MED12L: variants seen among roughly 807,000 people sequenced by gnomAD.
The protein encoded by MED12L is mediator complex subunit 12L.
In MED12L, 60 loss-of-function variants were observed where a neutral mutation model predicts 281.3. The observed-to-expected ratio is 0.21, with a 90% CI of 0.17 to 0.26. MED12L has a LOEUF of 0.26. Ranked by LOEUF, MED12L falls within the 10% of genes least tolerant of loss-of-function variation. The probability of loss-of-function intolerance (pLI) is 1.00; values close to 1 mark genes in which losing one functional copy is unlikely to be tolerated. For synonymous variants in MED12L, 974 were observed against 987.2 expected, an observed-to-expected ratio of 0.99 and a Z score of 0.25; for missense variants, 2,146 against 2,680.9, an observed-to-expected ratio of 0.80 and a Z score of 4.41.
At chr3:151,411,142 T>C in intron 40 of MED12L, 136 bp from the exon 41 acceptor site, 1 of 688,880 alleles carries the variant, frequency 1.5e-6, no homozygotes, top group Non-Finnish European at 2.5e-6. Context: ...CCTCAAATTT[T>C]GAGTTATGAG....
At chr3:151,115,537 G>A (rs1712632850) in intron 2 of MED12L, among the ~76,000 whole-genome samples, 1 of 150,868 alleles carries the variant, frequency 6.6e-6, no homozygotes, top group Admixed American at 6.6e-5. Flanking sequence ...AGTAGAGATG[G>A]GGTCTCCCCA....
At chr3:151,242,420 G>C (rs920306937) in intron 16 of MED12L, among the ~76,000 whole-genome samples, 13 of 152,214 alleles carry the variant, frequency 8.5e-5, no homozygotes, top group Non-Finnish European at 1.3e-4. Flanking sequence ...CACGCAGCTG[G>C]AGATCTGAGA....
At chr3:151,390,930 T>C (rs1714140954) in intron 38 of MED12L, among the ~76,000 whole-genome samples, 1 of 152,214 alleles carries the variant, frequency 6.6e-6, no homozygotes, top group Non-Finnish European at 1.5e-5. Context: ...TTAAGCGTTT[T>C]AGATTCAAAT....
intron 16 of MED12L, among the ~76,000 whole-genome samples, chr3:151,218,331 A>C (rs1728632762): frequency 6.6e-6 from 1 of 152,256 alleles, no homozygotes; most frequent in East Asian, 1.9e-4. Flanking sequence ...TAAAAGATGA[A>C]CAGGACTTCT....
chr3:151,317,112 T>C (rs1247279891), intron 16 of MED12L, among the ~76,000 whole-genome samples: 4 of 152,166 alleles, frequency 2.6e-5, no homozygotes, highest in African/African-American at 9.7e-5. Flanking sequence ...CAATTAAATT[T>C]TGGATTAAAA....
At chr3:151,117,697 T>C (rs533089574) in intron 3 of MED12L, among the ~76,000 whole-genome samples, 2 of 144,300 alleles carry the variant, frequency 1.4e-5, no homozygotes, top group East Asian at 2.1e-4. Flanking sequence ...ACAATACTTT[T>C]TGCCCTTAGA....
At chr3:151,229,420 C>T (rs113876166) in intron 16 of MED12L, among the ~76,000 whole-genome samples, 22 of 149,978 alleles carry the variant, frequency 1.5e-4, no homozygotes, top group African/African-American at 2.7e-4. Context: ...GATTCTCCTG[C>T]GTCAGCCTCC....
At chr3:151,278,420 G>C (rs578107180) in intron 16 of MED12L, 1 of 152,326 alleles carries the variant, frequency 6.6e-6, no homozygotes, top group South Asian at 2.1e-4. Flanking sequence ...GAACTTGACA[G>C]AAACCACAAG....
At chr3:151,274,677 C>A (rs979286375) in intron 16 of MED12L, among the ~76,000 whole-genome samples, 3 of 152,176 alleles carry the variant, frequency 2.0e-5, no homozygotes. Flanking sequence ...TTAGAATCGT[C>A]TCCAAATCCC....
intron 21 of MED12L, among the ~76,000 whole-genome samples, chr3:151,361,353 A>G (rs780383164): frequency 1.5e-4 from 23 of 152,170 alleles, no homozygotes; most frequent in Non-Finnish European, 2.9e-4. Context: ...CATTAAAAGT[A>G]GGAAACCTGG....
At chr3:151,335,153 A>G (rs1266400270) in intron 16 of MED12L, among the ~76,000 whole-genome samples, 1 of 152,134 alleles carries the variant, frequency 6.6e-6, no homozygotes, top group African/African-American at 2.4e-5. Context: ...TCTTTGAGTT[A>G]CTTTGAAATA....
At chr3:151,156,415 A>C in intron 6 of MED12L, 85 bp downstream of exon 6, 1 of 1,326,510 alleles carries the variant, frequency 7.5e-7, no homozygotes, top group Non-Finnish European at 1.0e-6. Context: ...CTGGGGTTAA[A>C]TCCTATTTTA....
At chr3:151,171,775 G>A (rs978502054) in intron 11 of MED12L, among the ~76,000 whole-genome samples, 1 of 152,158 alleles carries the variant, frequency 6.6e-6, no homozygotes, top group African/African-American at 2.4e-5. Context: ...TGCAGCTGGC[G>A]AACTCTGCTT....
intron 16 of MED12L, among the ~76,000 whole-genome samples, chr3:151,207,214 C>T (rs995313718): frequency 6.6e-6 from 1 of 152,120 alleles, no homozygotes; most frequent in Non-Finnish European, 1.5e-5. Context: ...CACAACACTG[C>T]ACCCAGCCAT....
intron 7 of MED12L, among the ~76,000 whole-genome samples, chr3:151,159,493 C>G (rs1553815981): frequency 1.3e-5 from 2 of 152,120 alleles, no homozygotes; most frequent in Non-Finnish European, 2.9e-5. Flanking sequence ...GATGTGTGCT[C>G]TAAGTGTAAA....
chr3:151,394,544 T>C (rs747267190), intron 38 of MED12L, 112 bp from the exon 39 acceptor site: 6 of 1,517,226 alleles, frequency 4.0e-6, no homozygotes, highest in Non-Finnish European at 5.3e-6. Context: ...CATTTTTTTC[T>C]ACTTTGTTCA....
chr3:151,202,889 A>C (rs1725829863), intron 16 of MED12L, among the ~76,000 whole-genome samples: 1 of 152,178 alleles, frequency 6.6e-6, no homozygotes, highest in Non-Finnish European at 1.5e-5. Context: ...TCTGGTGTCA[A>C]TTATCCTGTC....
At chr3:151,324,417 C>T (rs1296916827) in intron 16 of MED12L, among the ~76,000 whole-genome samples, 3 of 151,848 alleles carry the variant, frequency 2.0e-5, no homozygotes, top group Non-Finnish European at 4.4e-5. Context: ...GGGGTGGCTA[C>T]GGAAGTTTTG....
Position 151,102,067 on chromosome 3 carries a change from G to T in MED12L, c.100-14271G>T, listed in dbSNP as rs556078875. ...GGACAGGCATTTGAATTCCTTGGGT[G>T]CTGAATTGGAATGAATACTCAGACT... On this transcript the variant is annotated intron_variant, in intron 2 of 44. Coordinates refer to ENST00000687756, the MANE Select transcript of MED12L (RefSeq NM_001393769.1). Among the ~76,000 whole-genome samples, 5 of 152,296 alleles carry T rather than the reference G, an allele frequency of 3.3e-5. No homozygotes were observed. The South Asian group carries it at 1.0e-3, about 32-fold the overall frequency.
Sources: gnomAD v4.1 joint callset for allele counts (sites outside exome capture counted in the v4.1 genomes callset) on GRCh38, gnomAD v4.1.1 for gene constraint, MANE v1.5 for transcripts, NCBI Gene and HGNC (gene_info 2026-07-23, HGNC 2026-07-21) for gene names.